Variants in SVOP observed in about 807,000 individuals in gnomAD.
SVOP encodes the protein SV2 related protein.
A neutral mutation model predicts 69.1 loss-of-function variants in SVOP; 17 were observed. The observed-to-expected ratio is 0.25, with a 90% CI of 0.17 to 0.37. The LOEUF (loss-of-function observed/expected upper bound fraction) is 0.37. Ranked by LOEUF, SVOP falls within the 10% of genes least tolerant of loss-of-function variation. The probability of loss-of-function intolerance (pLI) is 1.00; values close to 1 mark genes in which losing one functional copy is unlikely to be tolerated. For missense variants in SVOP, 435 were observed against 597.5 expected (o/e 0.73, Z 2.84); for synonymous variants, 238 against 238.6 (o/e 1.00, Z 0.02).
chr12:108,959,941 C>G (rs2040008016), intron 6 of SVOP, among the ~76,000 whole-genome samples: 1 of 152,238 alleles, frequency 6.6e-6, no homozygotes, highest in African/African-American at 2.4e-5. Flanking sequence ...CTTTACCTCT[C>G]TGTGCCTCAG....
At chr12:108,924,741 G>T (rs1216505401) in intron 11 of SVOP, among the ~76,000 whole-genome samples, 3 of 152,188 alleles carry the variant, frequency 2.0e-5, no homozygotes, top group African/African-American at 7.2e-5. Context: ...AGCCACCCAA[G>T]AAGGTTAGAG....
intron 1 of SVOP, among the ~76,000 whole-genome samples, chr12:109,013,525 A>C (rs988250812): frequency 6.6e-6 from 1 of 151,646 alleles, no homozygotes; most frequent in Non-Finnish European, 1.5e-5. Flanking sequence ...TGACTAGCTG[A>C]GATTATAGGT....
chr12:108,919,871 C>A lies in SVOP; in HGVS notation c.1157-85G>T, dbSNP rs535691373. 8.7e-6 allele frequency: 8 copies of A among 918,102 alleles called. No individual in the cohort carries two copies. In the South Asian group the frequency reaches 1.2e-4, roughly 14 times the overall value. The allele number at this position is 918,102 out of a possible 1,614,324, so 56.9% of individuals were successfully genotyped here. ...CTCGTAGCACAGCCTGTATCATCCCCTCCCCTGGAGGGTGGACTAGACTTA... is the reference window on the plus strand; with the variant it reads ...CTCGTAGCACAGCCTGTATCATCCCATCCCCTGGAGGGTGGACTAGACTTA... On this transcript the variant is annotated intron_variant, in intron 12 of 15. Transcript: ENST00000610966.
intron 1 of SVOP, among the ~76,000 whole-genome samples, chr12:108,986,652 A>T (rs1209592704): frequency 6.6e-6 from 1 of 152,210 alleles, no homozygotes; most frequent in Non-Finnish European, 1.5e-5. Flanking sequence ...TCCAAAGAAG[A>T]CATGCAAGGG....
At chr12:108,982,603 T>G (rs2040143326) in intron 2 of SVOP, among the ~76,000 whole-genome samples, 1 of 147,746 alleles carries the variant, frequency 6.8e-6, no homozygotes, top group Non-Finnish European at 1.5e-5. Flanking sequence ...TCATCACCAC[T>G]GCCATCCTTA....
intron 14 of SVOP, 114 bp from the exon 15 acceptor site, chr12:108,915,986 T>C (rs11834711): frequency 0.025 from 24,853 of 985,272 alleles, 729 homozygotes; most frequent in African/African-American, 0.13. Flanking sequence ...GGCAAATCCC[T>C]CCAGTGCTGG....
At chr12:108,967,370 G>A (rs1185628713) in intron 5 of SVOP, among the ~76,000 whole-genome samples, 3 of 151,968 alleles carry the variant, frequency 2.0e-5, no homozygotes, top group African/African-American at 7.2e-5. Flanking sequence ...CTGGTGGCAC[G>A]TGCCTGTAGT....
intron 1 of SVOP, 66 bp downstream of exon 1, chr12:109,020,768 C>CCCCCCCCCCCCCCCCCT: frequency 2.2e-6 from 1 of 460,410 alleles, no homozygotes; most frequent in Non-Finnish European, 4.3e-6. Flanking sequence ...CCCCCCACCC[C>CCCCCCCCCCCCCCCCCT]CCTTGCAGGT....
intron 10 of SVOP, among the ~76,000 whole-genome samples, chr12:108,935,795 G>T (rs2039852828): frequency 6.6e-6 from 1 of 152,092 alleles, no homozygotes; most frequent in Non-Finnish European, 1.5e-5. Context: ...ATTCATTGTG[G>T]AGTTTAAGGT....
intron 1 of SVOP, among the ~76,000 whole-genome samples, chr12:108,998,651 A>G (rs1159594664): frequency 6.6e-6 from 1 of 152,214 alleles, no homozygotes; most frequent in Non-Finnish European, 1.5e-5. Flanking sequence ...AGTGGGGGCC[A>G]ATATTCAACA....
chr12:108,960,913 A>G lies in SVOP; in HGVS notation c.578+10T>C, dbSNP rs1158764613. The G allele has an allele frequency of 3.9e-6, 6 of 1,536,628 alleles. No individual in the cohort carries two copies. Among genetic ancestry groups the G allele is most frequent in the African/African-American group, 1.4e-5 (1 of 72,968 alleles). ...CCTGGCTGCATAGCCAGCACTGGGT[A>G]TTTACTTACGACTGGGGAACTCCTC... On this transcript the variant is annotated intron_variant, in intron 6 of 15. Transcript: ENST00000610966.
intron 12 of SVOP, among the ~76,000 whole-genome samples, chr12:108,920,267 T>G (rs1364606495): frequency 2.0e-5 from 3 of 152,214 alleles, no homozygotes; most frequent in Non-Finnish European, 4.4e-5. Flanking sequence ...CCACAACAAC[T>G]GTGAGATCAT....
intron 6 of SVOP, among the ~76,000 whole-genome samples, chr12:108,946,811 C>T (rs1028134734): frequency 4.6e-5 from 7 of 151,822 alleles, no homozygotes; most frequent in South Asian, 2.1e-4. Context: ...CTCCACCTCC[C>T]GGGTTCAAGC....
At chr12:108,945,682 C>T (rs1449848454) in intron 6 of SVOP, among the ~76,000 whole-genome samples, 3 of 152,116 alleles carry the variant, frequency 2.0e-5, no homozygotes, top group South Asian at 4.1e-4. Flanking sequence ...GCACCATGCC[C>T]GGCCTCACCT....
chr12:108,912,727 G>C lies in SVOP; in HGVS notation c.1455C>G (p.Ser485=), dbSNP rs753032588. The change falls in exon 16 of 16, where the codon TCC becomes TCG. Residue 485 remains serine, a synonymous_variant. Transcript: ENST00000610966. ...AAACTGCCAGAGTCAGGTACACAGAGGATTCCAGCATCACCTAGGGGAAGG... is the reference window on the plus strand; with the variant it reads ...AAACTGCCAGAGTCAGGTACACAGACGATTCCAGCATCACCTAGGGGAAGG... ...TPFIAQVMLE[S]SVYLTLAVYS... The C allele has an allele frequency of 6.2e-6, 10 of 1,613,840 alleles. No individual in the cohort carries two copies. Among genetic ancestry groups the C allele is most frequent in the Middle Eastern group, 3.3e-4 (2 of 6,062 alleles).
chr12:108,995,214 T>C (rs1250761469), intron 1 of SVOP, among the ~76,000 whole-genome samples: 1 of 152,052 alleles, frequency 6.6e-6, no homozygotes, highest in African/African-American at 2.4e-5. Context: ...TGTATCAAAA[T>C]AGCCAAAAGG....
intron 1 of SVOP, among the ~76,000 whole-genome samples, chr12:108,992,097 T>A (rs1382360949): frequency 6.6e-6 from 1 of 152,178 alleles, no homozygotes; most frequent in African/African-American, 2.4e-5. Context: ...TTGTAGTATT[T>A]ACCAATATCT....
intron 11 of SVOP, among the ~76,000 whole-genome samples, chr12:108,923,343 GC>G (rs143614850): frequency 0.033 from 5,063 of 152,260 alleles, 283 homozygotes; most frequent in African/African-American, 0.12. Context: ...CATGTAGGTG[GC>G]CTATGTGGTG....
chr12:108,932,293 G>T (rs2039825504), intron 11 of SVOP, among the ~76,000 whole-genome samples: 1 of 152,078 alleles, frequency 6.6e-6, no homozygotes, highest in Non-Finnish European at 1.5e-5. Context: ...CTAGGATTAT[G>T]GGTGTGAGAC....
Sources: allele counts gnomAD v4.1 joint callset (sites outside exome capture counted in the v4.1 genomes callset), GRCh38; gene constraint gnomAD v4.1.1; transcripts MANE v1.5; gene names NCBI Gene and HGNC (gene_info 2026-07-23, HGNC 2026-07-21).